Variants in CEP15 observed in about 807,000 individuals in gnomAD.
CEP15 encodes centrosomal protein 15 kDa.
the CEP15 span, among the ~76,000 whole-genome samples, chr3:62,328,909 T>C: frequency 2.0e-4 from 30 of 151,934 alleles, no homozygotes; most frequent in African/African-American, 6.5e-4. Context: ...TTTTTTTTTT[T>C]TTTTTTTCAG....
At chr3:62,320,220 G>C in the CEP15 span, among the ~76,000 whole-genome samples, 1 of 152,184 alleles carries the variant, frequency 6.6e-6, no homozygotes, top group East Asian at 1.9e-4. Flanking sequence ...TTAGAGTCTA[G>C]AAAGAGAAGA....
chr3:62,331,284 T>G, the CEP15 span: 1 of 1,580,844 alleles, frequency 6.3e-7, no homozygotes, highest in South Asian at 1.1e-5. Context: ...ATTTGTTTTA[T>G]GTAAATCCAC....
chr3:62,319,055 G>C, the CEP15 span: 1 of 152,330 alleles, frequency 6.6e-6, no homozygotes, highest in Non-Finnish European at 1.5e-5. Context: ...AGGCGGGCTC[G>C]GTGAGTGGAG....
the CEP15 span, chr3:62,322,161 T>G: frequency 7.2e-6 from 8 of 1,116,246 alleles, no homozygotes; most frequent in Non-Finnish European, 1.0e-5. This position sits in a 1 kb window ranked among gnomAD's most constrained non-coding sequence, Gnocchi z 5.5. Flanking sequence ...CAGTAATAAG[T>G]AGAATTACTA....
At chr3:62,329,932 A>G in the CEP15 span, among the ~76,000 whole-genome samples, 1 of 152,152 alleles carries the variant, frequency 6.6e-6, no homozygotes, top group Admixed American at 6.5e-5. Context: ...TAATCGCACA[A>G]ATGTTATTAG....
chr3:62,332,158 C>T, the CEP15 span, among the ~76,000 whole-genome samples: 1 of 152,060 alleles, frequency 6.6e-6, no homozygotes, highest in Non-Finnish European at 1.5e-5. Context: ...TTTGATTCTC[C>T]TATACCTTAC....
At chr3:62,321,866 G>T in the CEP15 span, 1 of 1,273,002 alleles carries the variant, frequency 7.9e-7, no homozygotes, top group South Asian at 1.4e-5. The surrounding 1 kb of genome is among the most constrained non-coding windows in gnomAD (Gnocchi z 4.1). Flanking sequence ...TTTTTATATT[G>T]GTCAAGCAGT....
the CEP15 span, among the ~76,000 whole-genome samples, chr3:62,329,277 A>G: frequency 1.3e-5 from 2 of 152,166 alleles, no homozygotes; most frequent in Non-Finnish European, 2.9e-5. Flanking sequence ...AATTCCCACT[A>G]TTGTTCATTC....
chr3:62,329,615 G>GT, the CEP15 span, among the ~76,000 whole-genome samples: 5 of 152,166 alleles, frequency 3.3e-5, no homozygotes, highest in Non-Finnish European at 7.4e-5. Context: ...TGCTGCAGAG[G>GT]TAACAGTCAA....
chr3:62,321,332 A>G, the CEP15 span, among the ~76,000 whole-genome samples: 1 of 152,326 alleles, frequency 6.6e-6, no homozygotes, highest in South Asian at 2.1e-4. The surrounding 1 kb of genome is among the most constrained non-coding windows in gnomAD (Gnocchi z 4.1). Flanking sequence ...TCTTTCTTCA[A>G]TTACTGTTTT....
At chr3:62,319,757 GT>G in the CEP15 span, 3 of 152,238 alleles carry the variant, frequency 2.0e-5, no homozygotes, top group Non-Finnish European at 4.4e-5. Flanking sequence ...AACCAGATGA[GT>G]TGCCTGCAGT....
the CEP15 span, chr3:62,331,382 G>A: frequency 1.9e-6 from 3 of 1,612,996 alleles, no homozygotes; most frequent in Non-Finnish European, 2.5e-6. Flanking sequence ...TCCACGGCCT[G>A]AGGTGGTTTC....
the CEP15 span, chr3:62,333,183 CATTT>C: frequency 2.0e-6 from 3 of 1,463,568 alleles, no homozygotes; most frequent in Non-Finnish European, 2.8e-6. This position sits in a 1 kb window ranked among gnomAD's most constrained non-coding sequence, Gnocchi z 4.0. Flanking sequence ...AGTGAATAAA[CATTT>C]AGACTATTAT....
chr3:62,320,275 A>G, the CEP15 span, among the ~76,000 whole-genome samples: 1 of 152,204 alleles, frequency 6.6e-6, no homozygotes, highest in African/African-American at 2.4e-5. Flanking sequence ...GTATTCTTAG[A>G]TGTATCTGGC....
chr3:62,325,152 G>A, the CEP15 span, among the ~76,000 whole-genome samples: 1 of 152,144 alleles, frequency 6.6e-6, no homozygotes, highest in Non-Finnish European at 1.5e-5. Flanking sequence ...TTATTACACT[G>A]AAATGGAAGA....
chr3:62,333,969 A>G, the CEP15 span: 1 of 152,146 alleles, frequency 6.6e-6, no homozygotes, highest in African/African-American at 2.4e-5. The surrounding 1 kb of genome is among the most constrained non-coding windows in gnomAD (Gnocchi z 4.0). Context: ...GCAGTCAATA[A>G]GTAGCCAGTT....
At chr3:62,333,546 G>A in the CEP15 span, 5 of 751,164 alleles carry the variant, frequency 6.7e-6, no homozygotes, top group Non-Finnish European at 8.1e-6. The surrounding 1 kb of genome is among the most constrained non-coding windows in gnomAD (Gnocchi z 4.0). Context: ...CAAGTCACAT[G>A]TTATCACCTA....
the CEP15 span, chr3:62,334,640 A>G: frequency 2.6e-5 from 4 of 152,316 alleles, no homozygotes; most frequent in African/African-American, 9.6e-5. This position sits in a 1 kb window ranked among gnomAD's most constrained non-coding sequence, Gnocchi z 4.9. Flanking sequence ...GTCACAAAAT[A>G]TTAGAACTGT....
the CEP15 span, among the ~76,000 whole-genome samples, chr3:62,325,643 A>G: frequency 4.1e-4 from 62 of 152,208 alleles, 1 homozygote; most frequent in Non-Finnish European, 8.2e-4. Flanking sequence ...TTGAAAGAGA[A>G]AGAGAAAATT....
Sources: allele counts gnomAD v4.1 joint callset (sites outside exome capture counted in the v4.1 genomes callset), GRCh38; gene constraint gnomAD v4.1.1; non-coding constraint Gnocchi (gnomAD v3.1); transcripts MANE v1.5; gene names NCBI Gene and HGNC (gene_info 2026-07-23, HGNC 2026-07-21).